The following COBLL1 variants were observed in gnomAD, a reference collection of about 807,000 sequenced individuals.
COBLL1 encodes the protein cordon-bleu WH2 repeat protein like 1, also known as cordon-bleu protein-like 1.
COBLL1 carries 50 observed loss-of-function variants against 94.8 expected under a neutral mutation model. The observed-to-expected ratio is 0.53, with a 90% CI of 0.42 to 0.67. The LOEUF is 0.67. Among genes scored for constraint, COBLL1 ranks in the 30% least tolerant of loss-of-function variants. The pLI is 0.00. For missense variants in COBLL1, 1,362 were observed against 1,348.7 expected (o/e 1.01, Z -0.15); for synonymous variants, 448 against 473.8 (o/e 0.95, Z 0.71).
chr2:164,712,233 G>C (rs1303531650), intron 7 of COBLL1, among the ~76,000 whole-genome samples: 1 of 152,002 alleles, frequency 6.6e-6, no homozygotes, highest in Non-Finnish European at 1.5e-5. Flanking sequence ...GACGTATCCT[G>C]GATTAAAGAG....
chr2:164,665,068 C>T (rs1044167277), intron 2 of COBLL1, among the ~76,000 whole-genome samples: 6 of 152,250 alleles, frequency 3.9e-5, no homozygotes, highest in East Asian at 3.9e-4. Flanking sequence ...CAGTGGCTCA[C>T]GCCTGTAATC....
In COBLL1 at chr2:164,683,883, C is replaced by T. The variant is rs1417516238; in HGVS notation, c.*2063G>A. ...CTAAAGCTGAGCACGGGTTAGGACCCCTTTCTGCTGTTTTACACAAGGCTG... is the reference window on the plus strand; with the variant it reads ...CTAAAGCTGAGCACGGGTTAGGACCTCTTTCTGCTGTTTTACACAAGGCTG... On this transcript the variant is annotated 3_prime_UTR_variant, in exon 14 of 14. Transcript: ENST00000652658. The T allele has an allele frequency of 6.6e-6, 1 of 152,082 alleles. No individual in the cohort carries two copies. Among genetic ancestry groups the T allele is most frequent in the African/African-American group, 2.4e-5 (1 of 41,420 alleles). The allele number at this position is 152,082 out of a possible 1,614,324, so 9.4% of individuals were successfully genotyped here. A position where few individuals can be genotyped will look rare whatever the true frequency, so the allele number is the denominator to read the frequency against.
At chr2:164,822,241 C>T (rs1304407541) in intron 2 of COBLL1, among the ~76,000 whole-genome samples, 1 of 152,196 alleles carries the variant, frequency 6.6e-6, no homozygotes, top group African/African-American at 2.4e-5. Context: ...TTTCCAGTGT[C>T]TCCTAATTGT....
chr2:164,682,062 A>G lies in COBLL1; in HGVS notation c.*3884T>C, dbSNP rs1186955674. ...GAAATCTAGCACCAGTTTCTTCATC[A>G]TTTGCTACATTTAGTCATGGGGAAG... On this transcript the variant is annotated 3_prime_UTR_variant, in exon 14 of 14. Transcript: ENST00000652658. The G allele has an allele frequency of 1.3e-5, 2 of 152,176 alleles. No homozygotes were observed. The highest frequency in any genetic ancestry group is 1.3e-4 in the Admixed American group (2 of 15,272). 9.4% of individuals were successfully genotyped at this position (152,176 alleles called of 1,614,324 possible). A position where few individuals can be genotyped will look rare whatever the true frequency, so the allele number is the denominator to read the frequency against.
rs61748611 is a variant in COBLL1, at chr2:164,695,157, C to G, written c.2235G>C (p.Ser745=). The change falls in exon 12 of 14, where the codon TCG becomes TCC. Residue 745 remains serine, a synonymous_variant. Coordinates refer to ENST00000652658, the MANE Select transcript of COBLL1 (RefSeq NM_001365672.2). ...CTATGGTTTCTGATTGCCAGTCTTT[C>G]GATATTTCCAAGGATTTGGGAGGCA... ...KIVPPKSLEI[S]KDWQSETIEY... is the part of the protein sequence containing the mutation. The G allele has an allele frequency of 2.5e-6, 4 of 1,613,708 alleles. No homozygotes were observed. In the African/African-American group the frequency reaches 5.3e-5, roughly 22 times the overall value.
chr2:164,757,335 A>T (rs952603846), intron 2 of COBLL1, among the ~76,000 whole-genome samples: 1 of 152,196 alleles, frequency 6.6e-6, no homozygotes, highest in African/African-American at 2.4e-5. Flanking sequence ...GTTCAATCAC[A>T]TTTATTCACT....
At chr2:164,830,501 A>G (rs973213866) in intron 2 of COBLL1, among the ~76,000 whole-genome samples, 11 of 152,220 alleles carry the variant, frequency 7.2e-5, no homozygotes, top group Admixed American at 7.2e-4. Context: ...CCCCACATAT[A>G]TATACGAATC....
chr2:164,801,438 CAAAAAAAAAAAAAAAA>C lies in COBLL1; in HGVS notation c.41+39702_41+39717del, dbSNP rs143505097. Among the ~76,000 whole-genome samples the C allele has an allele frequency of 2.1e-3, 58 of 28,212 alleles. 1 individual carries two copies. Among genetic ancestry groups the C allele is most frequent in the African/African-American group, 7.1e-3 (57 of 8,002 alleles). The allele number at this position is 28,212 out of a possible 152,430, so 18.5% of individuals were successfully genotyped here. On this transcript the variant is annotated intron_variant, in intron 2 of 13. Coordinates refer to ENST00000652658, the MANE Select transcript of COBLL1 (RefSeq NM_001365672.2). The stretch of plus-strand genomic sequence containing the variant: ...TGGGCGACAGAGCGAGACTCCGTCT[CAAAAAAAAAAAAAAAA>C]AAAAAAAAAAAAAAAGCTTAGCTAA...
chr2:164,808,682 G>A (rs1315033841), intron 2 of COBLL1, among the ~76,000 whole-genome samples: 2 of 152,028 alleles, frequency 1.3e-5, no homozygotes, highest in Non-Finnish European at 2.9e-5. Context: ...GTTTTCCAAG[G>A]AAGAGTGTAA....
intron 2 of COBLL1, among the ~76,000 whole-genome samples, chr2:164,799,905 C>A (rs1170892094): frequency 6.6e-6 from 1 of 152,052 alleles, no homozygotes; most frequent in Non-Finnish European, 1.5e-5. Context: ...AAATATGAAT[C>A]CAGAGCTAAA....
chr2:164,690,245 T>C (rs1683521872), intron 13 of COBLL1, among the ~76,000 whole-genome samples: 1 of 152,166 alleles, frequency 6.6e-6, no homozygotes, highest in Non-Finnish European at 1.5e-5. Context: ...TACTAGATAC[T>C]ATGTCCATTT....
At position 164,841,766 on chromosome 2, in the gene COBLL1, A is replaced by G. The variant is rs1354792069; in HGVS notation, c.-107T>C. 1 of 553,382 alleles carries G rather than the reference A, an allele frequency of 1.8e-6. No individual in the cohort carries two copies. Among genetic ancestry groups the G allele is most frequent in the African/African-American group, 2.0e-5 (1 of 49,116 alleles). 34.3% of individuals were successfully genotyped at this position (553,382 alleles called of 1,614,324 possible). A position where few individuals can be genotyped will look rare whatever the true frequency, so the allele number is the denominator to read the frequency against. On this transcript the variant is annotated 5_prime_UTR_variant, in exon 1 of 14. Transcript: ENST00000652658. This position sits in a 1 kb window ranked among gnomAD's most constrained non-coding sequence, Gnocchi z 5.5. The stretch of plus-strand genomic sequence containing the variant: ...GTTCTCCCTCGCGGCTTCCTCTCCT[A>G]CTCTTCCCTTCCCCGGCCCGCGCTC...
At chr2:164,706,225 T>TA (rs1684592428) in intron 7 of COBLL1, among the ~76,000 whole-genome samples, 1 of 152,118 alleles carries the variant, frequency 6.6e-6, no homozygotes, top group Admixed American at 6.5e-5. Context: ...ATGAGACCTA[T>TA]TAGCAACATT....
chr2:164,827,616 C>T (rs2105374790), intron 2 of COBLL1, among the ~76,000 whole-genome samples: 1 of 152,240 alleles, frequency 6.6e-6, no homozygotes, highest in Admixed American at 6.5e-5. Context: ...GACTAATGTC[C>T]TCTACCAAGT....
intron 13 of COBLL1, among the ~76,000 whole-genome samples, chr2:164,688,415 T>C (rs559023839): frequency 3.9e-4 from 60 of 152,264 alleles, no homozygotes; most frequent in Non-Finnish European, 7.4e-4. Flanking sequence ...AAATGGAATA[T>C]GGTAACTTTT....
intron 5 of COBLL1, chr2:164,727,111 A>G (rs1685755991): frequency 6.7e-7 from 1 of 1,489,760 alleles, no homozygotes; most frequent in African/African-American, 1.4e-5. Context: ...CTTACCTTGT[A>G]AAGATGACTT....
intron 2 of COBLL1, among the ~76,000 whole-genome samples, chr2:164,834,012 T>C (rs1384526755): frequency 6.6e-6 from 1 of 152,184 alleles, no homozygotes; most frequent in East Asian, 1.9e-4. Context: ...TAAATAGTCA[T>C]GGGAAACTTC....
chr2:164,805,205 T>C lies in COBLL1; in HGVS notation c.41+35951A>G, dbSNP rs559619802. Among the ~76,000 whole-genome samples, 6 of 149,404 alleles carry C rather than the reference T, an allele frequency of 4.0e-5. No individual in the cohort carries two copies. In the South Asian group the frequency reaches 1.3e-3, roughly 32 times the overall value. On this transcript the variant is annotated intron_variant, in intron 2 of 13. Coordinates refer to ENST00000652658, the MANE Select transcript of COBLL1 (RefSeq NM_001365672.2). Reference sequence around the variant, plus strand: ...CCTCCCTAGCACACACATACAGTTGTCTCTATTATACACAACTTGTATCAG... The same window carrying C: ...CCTCCCTAGCACACACATACAGTTGCCTCTATTATACACAACTTGTATCAG...
rs76229485 is a variant in COBLL1, at chr2:164,791,874, CT to C, written c.42-48000del. On this transcript the variant is annotated intron_variant, in intron 2 of 13. Coordinates refer to ENST00000652658, the MANE Select transcript of COBLL1 (RefSeq NM_001365672.2). ...GTATCAAATTCCCTGGTTTTTGTTGCTTTTTTTTTTTTTAAAAAAAGCAGCC... is the reference window on the plus strand; with the variant it reads ...GTATCAAATTCCCTGGTTTTTGTTGCTTTTTTTTTTTTAAAAAAAGCAGCC... Among the ~76,000 whole-genome samples the C allele has an allele frequency of 3.7e-3, 529 of 141,944 alleles. 1 individual carries two copies. Among genetic ancestry groups the C allele is most frequent in the Admixed American group, 4.7e-3 (67 of 14,230 alleles). 93.1% of individuals were successfully genotyped at this position (141,944 alleles called of 152,430 possible).
Sources: gnomAD v4.1 joint callset for allele counts (sites outside exome capture counted in the v4.1 genomes callset) on GRCh38, gnomAD v4.1.1 for gene constraint, Gnocchi (gnomAD v3.1) non-coding constraint, MANE v1.5 for transcripts, NCBI Gene and HGNC (gene_info 2026-07-23, HGNC 2026-07-21) for gene names.